Variants in MSGN1 observed in about 807,000 individuals in gnomAD.
The protein encoded by MSGN1 is mesogenin-1.
MSGN1 carries 3 observed loss-of-function variants against 10.1 expected under a neutral mutation model. The observed-to-expected ratio is 0.30, with a 90% CI of 0.13 to 0.76. The LOEUF is 0.76. MSGN1 is among the 30% of genes least tolerant of loss of function. The pLI is 0.67. For missense variants in MSGN1, 244 were observed against 244.5 expected (o/e 1.00, Z 0.01); for synonymous variants, 110 against 103.8 (o/e 1.06, Z -0.37).
chr2:17,817,695 T>C lies in MSGN1; in HGVS notation c.*595T>C, dbSNP rs1673596736. Among the ~76,000 whole-genome samples the C allele has an allele frequency of 6.6e-6, 1 of 152,114 alleles. No individual in the cohort carries two copies. The highest frequency in any genetic ancestry group is 2.1e-4 in the South Asian group (1 of 4,822). On this transcript the variant is annotated 3_prime_UTR_variant, in exon 1 of 1. Coordinates refer to ENST00000281047, the MANE Select transcript of MSGN1 (RefSeq NM_001105569.3). ...CACTGGTGTCATGATAAATGGAAAG[T>C]CACAGGCAGACAGGCTAAGTTAAGA...
rs933290948 is a variant in MSGN1 at position 17,817,655 on chromosome 2, C to T, written c.*555C>T. On this transcript the variant is annotated 3_prime_UTR_variant, in exon 1 of 1. Transcript: ENST00000281047. ...CATGCTGTTGCAGGGACCAAAATCA[C>T]TTAAATGCGGAAGGCACTGGTGTCA... 4.6e-5 allele frequency among the ~76,000 whole-genome samples: 7 copies of T among 152,114 alleles called. No individual in the cohort carries two copies. The highest frequency in any genetic ancestry group is 7.3e-5 in the Non-Finnish European group (5 of 68,028).
At position 17,816,804 on chromosome 2, in the gene MSGN1, A is replaced by C; in HGVS notation, c.286A>C (p.Asn96His). The C allele has an allele frequency of 1.9e-6, 3 of 1,614,178 alleles. No homozygotes were observed. Among genetic ancestry groups the C allele is most frequent in the Non-Finnish European group, 2.5e-6 (3 of 1,180,010 alleles). Residue 96 changes from asparagine to histidine, a missense_variant, in exon 1 of 1, where the codon AAT (asparagine) becomes CAT (histidine). Physicochemically the swap from Asn to His is moderately conservative, Grantham distance 68 (BLOSUM62 1). Coordinates refer to ENST00000281047, the MANE Select transcript of MSGN1 (RefSeq NM_001105569.3). The part of the protein sequence containing the change: ...GASGLVEVDY[N>H]MLAFQPTHLQ... ...CAGTGGCCTGGTAGAGGTGGACTAC[A>C]ATATGTTAGCTTTCCAGCCCACCCA...
Position 17,816,566 on chromosome 2 carries a change from C to T in MSGN1, c.48C>T (p.Gly16=). ...TCCTCAGCCTCGAGGATGGCTTGGGCTCCTCTGACAGCCCTGGCCTGCTGT... is the reference window on the plus strand; with the variant it reads ...TCCTCAGCCTCGAGGATGGCTTGGGTTCCTCTGACAGCCCTGGCCTGCTGT... ...ETFLSLEDGL[G]SSDSPGLLSS... Residue 16 remains glycine, a synonymous_variant, in exon 1 of 1, where the codon GGC becomes GGT. Coordinates refer to ENST00000281047, the MANE Select transcript of MSGN1 (RefSeq NM_001105569.3). 6.2e-7 allele frequency: 1 copy of T among 1,610,050 alleles called. No individual in the cohort carries two copies. The highest frequency in any genetic ancestry group is 8.5e-7 in the Non-Finnish European group (1 of 1,177,026).
At position 17,817,065 on chromosome 2, in the gene MSGN1, A is replaced by G. The variant is rs1343074476; in HGVS notation, c.547A>G (p.Asn183Asp). Residue 183 changes from asparagine (N) to aspartate (D), a missense_variant, in exon 1 of 1, where the codon AAC (asparagine) becomes GAC (aspartate). Transcript: ENST00000281047. ...KYIGELTDLL[N>D]RGREPRAQSA Reference sequence around the variant, plus strand: ...CATCGGGGAACTCACAGACCTCCTTAACCGCGGCAGAGAGCCCAGAGCCCA... The same window carrying G: ...CATCGGGGAACTCACAGACCTCCTTGACCGCGGCAGAGAGCCCAGAGCCCA... The G allele has an allele frequency of 5.6e-6, 9 of 1,613,682 alleles. No homozygotes were observed. Among genetic ancestry groups the G allele is most frequent in the Admixed American group, 1.7e-5 (1 of 60,020 alleles).
At position 17,816,708 on chromosome 2, in the gene MSGN1, G is replaced by C; in HGVS notation, c.190G>C (p.Val64Leu). ...ESYSSSPCPAVAGLPCEHGGA... is the reference protein window; with the variant it reads ...ESYSSSPCPALAGLPCEHGGA... The stretch of plus-strand genomic sequence containing the variant: ...CTATTCTTCTTCTCCCTGTCCAGCT[G>C]TGGCTGGGCTGCCCTGTGAGCACGG... Residue 64 changes from valine (V) to leucine (L), a missense_variant, in exon 1 of 1, where the codon GTG becomes CTG. Transcript: ENST00000281047. 6.2e-7 allele frequency: 1 copy of C among 1,614,214 alleles called. No individual in the cohort carries two copies. The highest frequency in any genetic ancestry group is 1.1e-5 in the South Asian group (1 of 91,072).
Position 17,816,534 on chromosome 2 carries a change from G to A in MSGN1, c.16G>A (p.Glu6Lys), listed in dbSNP as rs201861628. 1.9e-6 allele frequency: 3 copies of A among 1,590,846 alleles called. No homozygotes were observed. Among genetic ancestry groups the A allele is most frequent in the Non-Finnish European group, 2.6e-6 (3 of 1,164,612 alleles). MDNLR[E>K]TFLSLEDGLG... is the part of the protein sequence containing the mutation. Reference sequence around the variant, plus strand: ...TCTCGCAGGCATGGACAACCTGCGCGAGACTTTCCTCAGCCTCGAGGATGG... The same window carrying A: ...TCTCGCAGGCATGGACAACCTGCGCAAGACTTTCCTCAGCCTCGAGGATGG... The change falls in exon 1 of 1, where the codon GAG becomes AAG. Residue 6 changes from glutamate to lysine, a missense_variant. By Grantham distance (56) the Glu-to-Lys change is moderately conservative. Coordinates refer to ENST00000281047, the MANE Select transcript of MSGN1 (RefSeq NM_001105569.3).
rs1475875084 is a variant in MSGN1, at chr2:17,817,233, C to A, written c.*133C>A. The A allele has an allele frequency of 1.3e-6, 1 of 789,644 alleles. No individual in the cohort carries two copies. Among genetic ancestry groups the A allele is most frequent in the Non-Finnish European group, 2.0e-6 (1 of 497,214 alleles). 48.9% of individuals were successfully genotyped at this position (789,644 alleles called of 1,614,324 possible). A position where few individuals can be genotyped will look rare whatever the true frequency, so the allele number is the denominator to read the frequency against. On this transcript the variant is annotated 3_prime_UTR_variant, in exon 1 of 1. Coordinates refer to ENST00000281047, the MANE Select transcript of MSGN1 (RefSeq NM_001105569.3). Reference sequence around the variant, plus strand: ...GTAGTAAGCCTGATAATCTTGTGATCTGAAAAACCCTAAGGGAATTCACAT... The same window carrying A: ...GTAGTAAGCCTGATAATCTTGTGATATGAAAAACCCTAAGGGAATTCACAT...
Position 17,817,191 on chromosome 2 carries a change from C to A in MSGN1, c.*91C>A, listed in dbSNP as rs74633344. Reference sequence around the variant, plus strand: ...GGATATCTTATTGAACAATGATCGGCGTAGAGTGATTTTTATGTAGTAAGC... The same window carrying A: ...GGATATCTTATTGAACAATGATCGGAGTAGAGTGATTTTTATGTAGTAAGC... On this transcript the variant is annotated 3_prime_UTR_variant, in exon 1 of 1. Coordinates refer to ENST00000281047, the MANE Select transcript of MSGN1 (RefSeq NM_001105569.3). 7.5e-6 allele frequency: 8 copies of A among 1,065,990 alleles called. No homozygotes were observed. The highest frequency in any genetic ancestry group is 2.6e-5 in the Admixed American group (1 of 38,982). 66.0% of individuals were successfully genotyped at this position (1,065,990 alleles called of 1,614,324 possible).
At position 17,817,617 on chromosome 2, in the gene MSGN1, G is replaced by A. The variant is rs1159691520; in HGVS notation, c.*517G>A. On this transcript the variant is annotated 3_prime_UTR_variant, in exon 1 of 1. Transcript: ENST00000281047. Reference sequence around the variant, plus strand: ...CGTGTGTATATGTGTGTGTGTTTGTGTTTGACTGAAATCATGCTGTTGCAG... The same window carrying A: ...CGTGTGTATATGTGTGTGTGTTTGTATTTGACTGAAATCATGCTGTTGCAG... Among the ~76,000 whole-genome samples, 1 of 152,186 alleles carries A rather than the reference G, an allele frequency of 6.6e-6. No homozygotes were observed. The highest frequency in any genetic ancestry group is 1.5e-5 in the Non-Finnish European group (1 of 68,028).
chr2:17,816,620 G>T lies in MSGN1; in HGVS notation c.102G>T (p.Gly34=), dbSNP rs756535632. The T allele has an allele frequency of 3.7e-6, 6 of 1,614,110 alleles. No individual in the cohort carries two copies. Among genetic ancestry groups the T allele is most frequent in the Non-Finnish European group, 5.1e-6 (6 of 1,180,044 alleles). The change falls in exon 1 of 1, where the codon GGG becomes GGT. Residue 34 remains glycine (G), a synonymous_variant. Transcript: ENST00000281047. ...CCTGGGACTGGAAGGACAGGGCAGG[G>T]CCCTTTGAGCTGAATCAGGCCTCCC... ...LSSWDWKDRA[G]PFELNQASPS...
rs867127319 is a variant in MSGN1, at chr2:17,816,967, A to G, written c.449A>G (p.Tyr150Cys). 6.8e-6 allele frequency: 11 copies of G among 1,614,028 alleles called. No homozygotes were observed. In the African/African-American group the frequency reaches 1.2e-4, roughly 18 times the overall value. Reference protein sequence around the residue: ...LADALHTLRNYLPPVYSQRGQ... With the variant: ...LADALHTLRNCLPPVYSQRGQ... ...GATGCCCTGCACACCCTCCGGAATTACCTGCCACCTGTCTACAGCCAGAGA... is the reference window on the plus strand; with the variant it reads ...GATGCCCTGCACACCCTCCGGAATTGCCTGCCACCTGTCTACAGCCAGAGA... The change falls in exon 1 of 1, where the codon TAC (tyrosine) becomes TGC (cysteine). Residue 150 changes from tyrosine (Y) to cysteine (C), a missense_variant. Coordinates refer to ENST00000281047, the MANE Select transcript of MSGN1 (RefSeq NM_001105569.3).
At position 17,816,948 on chromosome 2, in the gene MSGN1, C is replaced by A; in HGVS notation, c.430C>A (p.Leu144Met). 1.9e-6 allele frequency: 3 copies of A among 1,614,236 alleles called. No homozygotes were observed. Among genetic ancestry groups the A allele is most frequent in the Non-Finnish European group, 2.5e-6 (3 of 1,180,038 alleles). Residue 144 changes from leucine (L) to methionine (M), a missense_variant, in exon 1 of 1, where the codon CTG becomes ATG. Physicochemically the swap from Leu to Met is conservative, Grantham distance 15. Coordinates refer to ENST00000281047, the MANE Select transcript of MSGN1 (RefSeq NM_001105569.3). Reference sequence around the variant, plus strand: ...CAGGATGAGGACCTTGGCAGATGCCCTGCACACCCTCCGGAATTACCTGCC... The same window carrying A: ...CAGGATGAGGACCTTGGCAGATGCCATGCACACCCTCCGGAATTACCTGCC... ...KLRMRTLADALHTLRNYLPPV... is the reference protein window; with the variant it reads ...KLRMRTLADAMHTLRNYLPPV...
At position 17,817,211 on chromosome 2, in the gene MSGN1, G is replaced by A; in HGVS notation, c.*111G>A. 1.1e-6 allele frequency: 1 copy of A among 905,526 alleles called. No individual in the cohort carries two copies. The highest frequency in any genetic ancestry group is 1.7e-6 in the Non-Finnish European group (1 of 596,516). 56.1% of individuals were successfully genotyped at this position (905,526 alleles called of 1,614,324 possible). A position where few individuals can be genotyped will look rare whatever the true frequency, so the allele number is the denominator to read the frequency against. The stretch of plus-strand genomic sequence containing the variant: ...ATCGGCGTAGAGTGATTTTTATGTA[G>A]TAAGCCTGATAATCTTGTGATCTGA... On this transcript the variant is annotated 3_prime_UTR_variant, in exon 1 of 1. Transcript: ENST00000281047.
chr2:17,816,512 C>A lies in MSGN1; in HGVS notation c.-7C>A, dbSNP rs771978520. The stretch of plus-strand genomic sequence containing the variant: ...GGAGCCATTCCTTCTGCAGCTGTCT[C>A]GCAGGCATGGACAACCTGCGCGAGA... On this transcript the variant is annotated 5_prime_UTR_variant, in exon 1 of 1. Coordinates refer to ENST00000281047, the MANE Select transcript of MSGN1 (RefSeq NM_001105569.3). The A allele has an allele frequency of 9.0e-6, 14 of 1,557,184 alleles. No individual in the cohort carries two copies. The Admixed American group carries it at 2.6e-4, about 28-fold the overall frequency.
Position 17,816,741 on chromosome 2 carries a change from A to G in MSGN1, c.223A>G (p.Ser75Gly), listed in dbSNP as rs748059839. Residue 75 changes from serine to glycine, a missense_variant, in exon 1 of 1, where the codon AGC becomes GGC. Ser to Gly is a moderately conservative substitution (Grantham distance 56, BLOSUM62 0). Coordinates refer to ENST00000281047, the MANE Select transcript of MSGN1 (RefSeq NM_001105569.3). ...GCTGCCCTGTGAGCACGGCGGGGCCAGCAGTGGGGGCAGCGAAGGCTGCAG... is the reference window on the plus strand; with the variant it reads ...GCTGCCCTGTGAGCACGGCGGGGCCGGCAGTGGGGGCAGCGAAGGCTGCAG... Reference protein sequence around the residue: ...AGLPCEHGGASSGGSEGCSVG... With the variant: ...AGLPCEHGGAGSGGSEGCSVG... 14 of 1,613,668 alleles carry G rather than the reference A, an allele frequency of 8.7e-6. No individual in the cohort carries two copies. In the South Asian group the frequency reaches 1.3e-4, roughly 15 times the overall value.
chr2:17,817,106 AT>A lies in MSGN1; in HGVS notation c.*7del. 3 of 1,608,718 alleles carry A rather than the reference AT, an allele frequency of 1.9e-6. No individual in the cohort carries two copies. Among genetic ancestry groups the A allele is most frequent in the Middle Eastern group, 3.3e-4 (2 of 6,028 alleles). On this transcript the variant is annotated 3_prime_UTR_variant, in exon 1 of 1. Transcript: ENST00000281047. ...CCAGAGCCCAGAGCGCGTGAGCTCC[AT>A]CCGGGGAAACTGACCGGTTCCAGCC...
In MSGN1 at chr2:17,816,752, C is replaced by G; in HGVS notation, c.234C>G (p.Gly78=). 1 of 1,613,502 alleles carries G rather than the reference C, an allele frequency of 6.2e-7. No individual in the cohort carries two copies. The highest frequency in any genetic ancestry group is 1.1e-5 in the South Asian group (1 of 90,982). ...AGCACGGCGGGGCCAGCAGTGGGGG[C>G]AGCGAAGGCTGCAGTGTCGGTGGGG... ...PCEHGGASSG[G]SEGCSVGGAS... The change falls in exon 1 of 1, where the codon GGC becomes GGG. Residue 78 remains glycine, a synonymous_variant. Transcript: ENST00000281047.
In MSGN1 at chr2:17,817,113, G is replaced by C. The variant is rs1186413986; in HGVS notation, c.*13G>C. ...CCAGAGCGCGTGAGCTCCATCCGGG[G>C]AAACTGACCGGTTCCAGCCTCCTGA... On this transcript the variant is annotated 3_prime_UTR_variant, in exon 1 of 1. Coordinates refer to ENST00000281047, the MANE Select transcript of MSGN1 (RefSeq NM_001105569.3). The C allele has an allele frequency of 1.2e-6, 2 of 1,604,996 alleles. No homozygotes were observed. Among genetic ancestry groups the C allele is most frequent in the Non-Finnish European group, 1.7e-6 (2 of 1,173,820 alleles).
rs762434780 is a variant in MSGN1, at chr2:17,816,853, A to C, written c.335A>C (p.Lys112Thr). 1 of 1,614,170 alleles carries C rather than the reference A, an allele frequency of 6.2e-7. No individual in the cohort carries two copies. The highest frequency in any genetic ancestry group is 8.5e-7 in the Non-Finnish European group (1 of 1,180,004). ...CACCTTCAGGGCGGTGGTGGCCCCAAGGCCCAGAAGGGCACCAAAGTCAGG... is the reference window on the plus strand; with the variant it reads ...CACCTTCAGGGCGGTGGTGGCCCCACGGCCCAGAAGGGCACCAAAGTCAGG... ...PTHLQGGGGP[K>T]AQKGTKVRMS... Residue 112 changes from lysine (K) to threonine (T), a missense_variant, in exon 1 of 1, where the codon AAG becomes ACG. By Grantham distance (78) the Lys-to-Thr change is moderately conservative (BLOSUM62 -1). Coordinates refer to ENST00000281047, the MANE Select transcript of MSGN1 (RefSeq NM_001105569.3).
Sources: allele counts gnomAD v4.1 joint callset (sites outside exome capture counted in the v4.1 genomes callset), GRCh38; gene constraint gnomAD v4.1.1; transcripts MANE v1.5; gene names NCBI Gene and HGNC (gene_info 2026-07-23, HGNC 2026-07-21).